FAM135A: variants seen among roughly 807,000 people sequenced by gnomAD.
FAM135A encodes the protein protein FAM135A.
FAM135A carries 79 observed loss-of-function variants against 146.8 expected under a neutral mutation model. The observed-to-expected ratio is 0.54, with a 90% CI of 0.45 to 0.65. The LOEUF is 0.65. Among genes scored for constraint, FAM135A ranks in the 30% least tolerant of loss-of-function variants. The pLI is 0.00. For missense variants in FAM135A, 1,623 were observed against 1,758.2 expected (o/e 0.92, Z 1.38); for synonymous variants, 562 against 603.6 (o/e 0.93, Z 1.01).
chr6:70,488,738 T>C (rs967922303), intron 10 of FAM135A, among the ~76,000 whole-genome samples: 6 of 152,132 alleles, frequency 3.9e-5, no homozygotes. Flanking sequence ...TATTCATCTT[T>C]CTTAATTTTT....
At chr6:70,551,572 C>G (rs1014643078) in intron 20 of FAM135A, among the ~76,000 whole-genome samples, 2 of 152,222 alleles carry the variant, frequency 1.3e-5, no homozygotes, top group African/African-American at 4.8e-5. Context: ...GATTGCACCA[C>G]TGCACTGTAG....
chr6:70,521,094 T>G (rs560544865), intron 12 of FAM135A, among the ~76,000 whole-genome samples: 151 of 152,354 alleles, frequency 9.9e-4, no homozygotes, highest in Non-Finnish European at 1.4e-3. Flanking sequence ...AGAGGTTTTT[T>G]TTTGTTTGTT....
chr6:70,490,180 G>A (rs1356028931), intron 10 of FAM135A, among the ~76,000 whole-genome samples: 3 of 152,098 alleles, frequency 2.0e-5, no homozygotes, highest in Non-Finnish European at 2.9e-5. Context: ...TCTTGCCTTT[G>A]TGTGAGAAAG....
rs770778983 is a variant in FAM135A, at chr6:70,524,914, A to C, written c.1830A>C (p.Ala610=). 6.2e-7 allele frequency: 1 copy of C among 1,612,176 alleles called. No homozygotes were observed. The highest frequency in any genetic ancestry group is 1.7e-5 in the Admixed American group (1 of 59,644). ...ACTCTGGCAACCTAAATCTTTGTGCAAATTTGTCCATTTCAGGTAAACTTG... is the reference window on the plus strand; with the variant it reads ...ACTCTGGCAACCTAAATCTTTGTGCCAATTTGTCCATTTCAGGTAAACTTG... The part of the protein sequence containing the change: ...PLNSGNLNLC[A]NLSISGKLDI... Residue 610 remains alanine (A), a synonymous_variant, in exon 15 of 22, where the codon GCA becomes GCC. Transcript: ENST00000418814.
At chr6:70,504,434 G>T (rs140800167) in intron 12 of FAM135A, 2 of 151,934 alleles carry the variant, frequency 1.3e-5, no homozygotes, top group African/African-American at 4.8e-5. Flanking sequence ...GTTTTTTAAT[G>T]AACTGGAGGT....
chr6:70,431,863 G>C (rs9455101), intron 4 of FAM135A, among the ~76,000 whole-genome samples: 1 of 151,786 alleles, frequency 6.6e-6, no homozygotes, highest in South Asian at 2.1e-4. Flanking sequence ...TTATAAAATA[G>C]TTTTCAAATA....
intron 5 of FAM135A, among the ~76,000 whole-genome samples, chr6:70,471,569 G>A (rs376202037): frequency 6.8e-6 from 1 of 147,018 alleles, no homozygotes; most frequent in Non-Finnish European, 1.5e-5. Context: ...TGGAGGATAG[G>A]GGGTGGGAGG....
intron 20 of FAM135A, among the ~76,000 whole-genome samples, chr6:70,552,857 C>T (rs1800099242): frequency 6.6e-6 from 1 of 152,118 alleles, no homozygotes; most frequent in South Asian, 2.1e-4. Flanking sequence ...TTGAGAAATA[C>T]GCATTTCAGG....
intron 10 of FAM135A, among the ~76,000 whole-genome samples, chr6:70,486,667 G>T (rs906597294): frequency 6.6e-6 from 1 of 152,156 alleles, no homozygotes; most frequent in Non-Finnish European, 1.5e-5. Context: ...GGTGACTCAC[G>T]CCTGTAATCC....
intron 20 of FAM135A, among the ~76,000 whole-genome samples, chr6:70,549,747 A>G (rs1339330568): frequency 6.6e-6 from 1 of 152,108 alleles, no homozygotes; most frequent in Non-Finnish European, 1.5e-5. Flanking sequence ...GGCTATGGCA[A>G]TTTCTTAAAT....
intron 4 of FAM135A, among the ~76,000 whole-genome samples, chr6:70,432,683 G>A (rs1222660240): frequency 6.6e-6 from 1 of 151,976 alleles, no homozygotes; most frequent in Non-Finnish European, 1.5e-5. Context: ...TTATCTCATT[G>A]CATTGGATTA....
chr6:70,413,826 C>A (rs12110377), intron 1 of FAM135A, 124 bp downstream of exon 1: 2 of 985,434 alleles, frequency 2.0e-6, no homozygotes, highest in Non-Finnish European at 1.2e-6. Flanking sequence ...TCGCCCGCCG[C>A]GGCCCCTCAC....
intron 4 of FAM135A, among the ~76,000 whole-genome samples, chr6:70,437,645 A>T (rs771712832): frequency 6.6e-6 from 1 of 152,272 alleles, no homozygotes; most frequent in East Asian, 1.9e-4. Flanking sequence ...TATACTTTCC[A>T]TTTACTTATT....
intron 16 of FAM135A, among the ~76,000 whole-genome samples, chr6:70,531,597 T>C (rs1259514151): frequency 1.3e-5 from 2 of 152,194 alleles, no homozygotes; most frequent in African/African-American, 4.8e-5. Flanking sequence ...GTGCTGTTAA[T>C]TGTCAGTCAT....
intron 4 of FAM135A, among the ~76,000 whole-genome samples, chr6:70,440,349 A>G (rs1774170999): frequency 6.6e-6 from 1 of 152,192 alleles, no homozygotes; most frequent in Admixed American, 6.5e-5. Context: ...GTACCCATTG[A>G]TGATCTTTAC....
At chr6:70,461,825 G>T (rs562576734) in intron 5 of FAM135A, among the ~76,000 whole-genome samples, 1 of 152,170 alleles carries the variant, frequency 6.6e-6, no homozygotes, top group South Asian at 2.1e-4. Context: ...CTAGCTATTT[G>T]GTCTTAAGCA....
rs1794375002 is a variant in FAM135A, at chr6:70,524,979, A to G, written c.1895A>G (p.His632Arg). ...GATAGTGAAATTACACAAATGGAAC[A>G]CAATCTGGCATCCAGAAGGTCATCA... is the stretch of plus-strand genomic sequence containing the variant. ...QDDSEITQMEHNLASRRSSDD... is the reference protein window; with the variant it reads ...QDDSEITQMERNLASRRSSDD... Residue 632 changes from histidine (H) to arginine (R), a missense_variant, in exon 15 of 22, where the codon CAC (histidine) becomes CGC (arginine). His to Arg is a conservative substitution (Grantham distance 29, BLOSUM62 0). Around this residue, in one of 7 missense-constraint regions of FAM135A, gnomAD observed 1,061 missense variants for 1,113.8 expected, o/e 0.95. Transcript: ENST00000418814. 6.2e-7 allele frequency: 1 copy of G among 1,603,188 alleles called. No individual in the cohort carries two copies. The highest frequency in any genetic ancestry group is 1.3e-5 in the African/African-American group (1 of 74,458).
chr6:70,518,524 G>A (rs968607961), intron 12 of FAM135A, among the ~76,000 whole-genome samples: 1 of 152,182 alleles, frequency 6.6e-6, no homozygotes, highest in Non-Finnish European at 1.5e-5. Context: ...TCTAGTAGAA[G>A]AAAATGCCAT....
intron 16 of FAM135A, among the ~76,000 whole-genome samples, chr6:70,531,888 C>CTTTTTTTTTTTT (rs869128532): frequency 2.3e-5 from 2 of 85,718 alleles, no homozygotes; most frequent in South Asian, 4.7e-4. Context: ...AAACTGATTT[C>CTTTTTTTTTTTT]TTTTTTTTTT....
Sources: gnomAD v4.1 joint callset for allele counts (sites outside exome capture counted in the v4.1 genomes callset) on GRCh38, gnomAD v4.1.1 for gene constraint, gnomAD v4.1.1 regional missense constraint, MANE v1.5 for transcripts, NCBI Gene and HGNC (gene_info 2026-07-23, HGNC 2026-07-21) for gene names.